RAB3A: variants seen among roughly 807,000 people sequenced by gnomAD.
RAB3A encodes ras-related protein Rab-3A.
In RAB3A, 5 loss-of-function variants were observed where a neutral mutation model predicts 19.7. That is an observed-to-expected ratio of 0.25 (90% CI 0.13 to 0.53). The LOEUF is 0.53. Among genes scored for constraint, RAB3A ranks in the 20% least tolerant of loss-of-function variants. The pLI, the probability that RAB3A is intolerant of heterozygous loss-of-function variation, is 0.95. For synonymous variants in RAB3A, 119 were observed against 122.1 expected (o/e 0.97, Z 0.17); for missense variants, 189 against 305.6 (o/e 0.62, Z 2.85).
chr19:18,198,276 T>G (rs1229806966), intron 4 of RAB3A, among the ~76,000 whole-genome samples: 2 of 152,176 alleles, frequency 1.3e-5, no homozygotes, highest in Non-Finnish European at 2.9e-5. Context: ...TTCCTCCAGC[T>G]GACCCTCATG....
intron 3 of RAB3A, among the ~76,000 whole-genome samples, chr19:18,199,253 T>C (rs1443611353): frequency 6.6e-6 from 1 of 151,742 alleles, no homozygotes; most frequent in Non-Finnish European, 1.5e-5. Flanking sequence ...GCCTCCCAGG[T>C]TGAAGTGATT....
At position 18,202,084 on chromosome 19, in the gene RAB3A, A is replaced by G. The variant is rs1967621573; in HGVS notation, c.228+429T>C. Among the ~76,000 whole-genome samples, 1 of 152,068 alleles carries G rather than the reference A, an allele frequency of 6.6e-6. No homozygotes were observed. The highest frequency in any genetic ancestry group is 6.6e-5 in the Admixed American group (1 of 15,258). ...CCCTGTCTCTACAAAAAAGAAAAAA[A>G]TCAGCAGGCGTGGTGGTAGAAGCCC... On this transcript the variant is annotated intron_variant, in intron 2 of 4. Transcript: ENST00000222256. The surrounding 1 kb of genome is among the most constrained non-coding windows in gnomAD (Gnocchi z 4.2).
At position 18,198,792 on chromosome 19, in the gene RAB3A, G is replaced by C; in HGVS notation, c.405C>G (p.Asn135Lys). The change falls in exon 4 of 5, where the codon AAC becomes AAG. Residue 135 changes from asparagine (N) to lysine (K), a missense_variant. Physicochemically the swap from Asn to Lys is moderately conservative, Grantham distance 94. Coordinates refer to ENST00000222256, the MANE Select transcript of RAB3A (RefSeq NM_002866.5). ...CCCGCTCATCCTCCATGTCACACTT[G>C]TTTCCTACCAGCAGCACCTGGGCAT... ...WDNAQVLLVG[N>K]KCDMEDERVV... 6.2e-7 allele frequency: 1 copy of C among 1,614,138 alleles called. No individual in the cohort carries two copies.
chr19:18,201,886 T>G (rs951985244), intron 2 of RAB3A, among the ~76,000 whole-genome samples: 2 of 152,122 alleles, frequency 1.3e-5, no homozygotes, highest in African/African-American at 4.8e-5. Context: ...GGAGGATTGC[T>G]TGAGCCCACG....
chr19:18,198,946 A>G (rs1299885801), intron 3 of RAB3A, 97 bp from the exon 4 acceptor site: 4 of 1,457,454 alleles, frequency 2.7e-6, no homozygotes, highest in Non-Finnish European at 3.7e-6. Flanking sequence ...CCGAGGAAGA[A>G]AGACCCAGAA....
chr19:18,197,732 G>A, intron 4 of RAB3A, 72 bp from the exon 5 acceptor site: 1 of 1,365,038 alleles, frequency 7.3e-7, no homozygotes, highest in Non-Finnish European at 9.9e-7. Context: ...GCTTCTCTGA[G>A]GAAAGGGAAC....
At position 18,202,110 on chromosome 19, in the gene RAB3A, G is replaced by A. The variant is rs575664043; in HGVS notation, c.228+403C>T. On this transcript the variant is annotated intron_variant, in intron 2 of 4. Coordinates refer to ENST00000222256, the MANE Select transcript of RAB3A (RefSeq NM_002866.5). The surrounding 1 kb of genome is among the most constrained non-coding windows in gnomAD (Gnocchi z 4.2). ...TCAGCAGGCGTGGTGGTAGAAGCCC[G>A]TGGTCCTAGCTACTCAGGAGGCTCA... 1.3e-5 allele frequency among the ~76,000 whole-genome samples: 2 copies of A among 152,148 alleles called. No individual in the cohort carries two copies. Among genetic ancestry groups the A allele is most frequent in the African/African-American group, 2.4e-5 (1 of 41,436 alleles).
At position 18,197,663 on chromosome 19, in the gene RAB3A, G is replaced by A; in HGVS notation, c.473-3C>T. On this transcript the variant is annotated splice_polypyrimidine_tract_variant and splice_region_variant and intron_variant, in intron 4 of 4. Coordinates refer to ENST00000222256, the MANE Select transcript of RAB3A (RefSeq NM_002866.5). Reference sequence around the variant, plus strand: ...GCTTGCCTCAAAGAACTCGAACCCTGTGGTCAGAGAAGGCAGGGATGAGGA... The same window carrying A: ...GCTTGCCTCAAAGAACTCGAACCCTATGGTCAGAGAAGGCAGGGATGAGGA... 6.2e-6 allele frequency: 10 copies of A among 1,606,862 alleles called. No homozygotes were observed. The highest frequency in any genetic ancestry group is 8.5e-6 in the Non-Finnish European group (10 of 1,174,888).
intron 1 of RAB3A, among the ~76,000 whole-genome samples, chr19:18,203,591 C>A (rs1300318211): frequency 6.6e-6 from 1 of 152,158 alleles, no homozygotes; most frequent in South Asian, 2.1e-4. Flanking sequence ...CACAGGCAGG[C>A]GCGCACACGC....
In RAB3A at chr19:18,197,459, T is replaced by A; in HGVS notation, c.*11A>T. On this transcript the variant is annotated 3_prime_UTR_variant, in exon 5 of 5. Transcript: ENST00000222256. The stretch of plus-strand genomic sequence containing the variant: ...AAGACAGGGAAGAGGGGAAAGGGAG[T>A]GGGATGGCTCTCAGCAGGCGCAGTC... The A allele has an allele frequency of 6.2e-7, 1 of 1,600,844 alleles. No homozygotes were observed. Among genetic ancestry groups the A allele is most frequent in the Non-Finnish European group, 8.5e-7 (1 of 1,173,098 alleles).
rs746326940 is a variant in RAB3A, at chr19:18,197,447, G to A, written c.*23C>T. On this transcript the variant is annotated 3_prime_UTR_variant, in exon 5 of 5. Coordinates refer to ENST00000222256, the MANE Select transcript of RAB3A (RefSeq NM_002866.5). ...GGGAAGGTGGGGAAGACAGGGAAGA[G>A]GGGAAAGGGAGTGGGATGGCTCTCA... is the stretch of plus-strand genomic sequence containing the variant. 2.5e-6 allele frequency: 4 copies of A among 1,599,250 alleles called. No individual in the cohort carries two copies. The highest frequency in any genetic ancestry group is 1.1e-5 in the South Asian group (1 of 90,266).
Position 18,197,144 on chromosome 19 carries a change from TGTG to T in RAB3A, c.*323_*325del. The T allele has an allele frequency of 3.7e-6, 1 of 269,506 alleles. No homozygotes were observed. The highest frequency in any genetic ancestry group is 6.4e-6 in the Non-Finnish European group (1 of 157,084). 16.7% of individuals were successfully genotyped at this position (269,506 alleles called of 1,614,324 possible). A position where few individuals can be genotyped will look rare whatever the true frequency, so the allele number is the denominator to read the frequency against. On this transcript the variant is annotated 3_prime_UTR_variant, in exon 5 of 5. Transcript: ENST00000222256. ...CTGGCCCCTCTTCACAACTGACAAC[TGTG>T]GATGGGGGTGAATTTTAAAAAAAGG... is the stretch of plus-strand genomic sequence containing the variant.
intron 3 of RAB3A, 74 bp from the exon 4 acceptor site, chr19:18,198,923 C>A (rs1967571313): frequency 3.2e-6 from 5 of 1,545,912 alleles, no homozygotes; most frequent in African/African-American, 1.4e-5. Context: ...TGATGTGGAG[C>A]CTGTGTCCTT....
intron 3 of RAB3A, 69 bp from the exon 4 acceptor site, chr19:18,198,918 T>C (rs1967571274): frequency 1.9e-6 from 3 of 1,561,190 alleles, no homozygotes; most frequent in Non-Finnish European, 2.6e-6. Context: ...CGGGCTGATG[T>C]GGAGCCTGTG....
chr19:18,203,605 T>TGCACACCACGCGCACGCGCAC (rs1216572529), intron 1 of RAB3A, among the ~76,000 whole-genome samples: 28 of 152,098 alleles, frequency 1.8e-4, no homozygotes, highest in Admixed American at 1.4e-3. Context: ...CACACGCGTG[T>TGCACACCACGCGCACGCGCAC]GCACACCACG....
At chr19:18,199,435 A>T (rs1043971718) in intron 3 of RAB3A, among the ~76,000 whole-genome samples, 1 of 151,690 alleles carries the variant, frequency 6.6e-6, no homozygotes, top group Admixed American at 6.6e-5. Flanking sequence ...GATTATAGGC[A>T]TGAGCCACTG....
Position 18,198,796 on chromosome 19 carries a change from C to G in RAB3A, c.401G>C (p.Gly134Ala), listed in dbSNP as rs200156565. Residue 134 changes from glycine to alanine, a missense_variant, in exon 4 of 5, where the codon GGA becomes GCA. Physicochemically the swap from Gly to Ala is moderately conservative, Grantham distance 60 (BLOSUM62 0). Transcript: ENST00000222256. ...SWDNAQVLLV[G>A]NKCDMEDERV... is the part of the protein sequence containing the mutation. ...CTCATCCTCCATGTCACACTTGTTT[C>G]CTACCAGCAGCACCTGGGCATTGTC... The G allele has an allele frequency of 6.2e-7, 1 of 1,614,168 alleles. No homozygotes were observed. Among genetic ancestry groups the G allele is most frequent in the East Asian group, 2.2e-5 (1 of 44,872 alleles).
Position 18,203,710 on chromosome 19 carries a change from T to A in RAB3A, c.-1+186A>T, listed in dbSNP as rs1397243660. Reference sequence around the variant, plus strand: ...CCGCAGAGCAGGGGGGTTGGGGGGGTTAGTGGTGAGGATCAGGCAGGAGTG... The same window carrying A: ...CCGCAGAGCAGGGGGGTTGGGGGGGATAGTGGTGAGGATCAGGCAGGAGTG... On this transcript the variant is annotated intron_variant, in intron 1 of 4. Transcript: ENST00000222256. Among the ~76,000 whole-genome samples the A allele has an allele frequency of 4.0e-5, 6 of 151,176 alleles. No individual in the cohort carries two copies. In the East Asian group the frequency reaches 1.2e-3, roughly 30 times the overall value.
rs775489919 is a variant in RAB3A, at chr19:18,197,449, G to A, written c.*21C>T. 1 of 1,600,086 alleles carries A rather than the reference G, an allele frequency of 6.2e-7. No individual in the cohort carries two copies. The highest frequency in any genetic ancestry group is 1.7e-5 in the Admixed American group (1 of 58,904). ...GAAGGTGGGGAAGACAGGGAAGAGG[G>A]GAAAGGGAGTGGGATGGCTCTCAGC... is the stretch of plus-strand genomic sequence containing the variant. On this transcript the variant is annotated 3_prime_UTR_variant, in exon 5 of 5. Transcript: ENST00000222256.
Sources: gnomAD v4.1 joint callset for allele counts (sites outside exome capture counted in the v4.1 genomes callset) on GRCh38, gnomAD v4.1.1 for gene constraint, Gnocchi (gnomAD v3.1) non-coding constraint, MANE v1.5 for transcripts, NCBI Gene and HGNC (gene_info 2026-07-23, HGNC 2026-07-21) for gene names.